Variants in PLEKHA7 observed in about 807,000 individuals in gnomAD.
PLEKHA7 encodes pleckstrin homology domain containing A7.
Under a neutral mutation model 170.0 loss-of-function variants are expected in PLEKHA7, and 104 were observed. That is an observed-to-expected ratio of 0.61 (90% CI 0.52 to 0.72). The LOEUF (loss-of-function observed/expected upper bound fraction) is 0.72. Among genes scored for constraint, PLEKHA7 ranks in the 30% least tolerant of loss-of-function variants. The pLI is 0.00. For missense variants in PLEKHA7, 1,615 were observed against 1,671.7 expected (o/e 0.97, Z 0.59); for synonymous variants, 648 against 660.8 (o/e 0.98, Z 0.30).
intron 3 of PLEKHA7, among the ~76,000 whole-genome samples, chr11:17,008,243 T>C (rs1465005029): frequency 6.6e-6 from 1 of 152,192 alleles, no homozygotes; most frequent in Non-Finnish European, 1.5e-5. Context: ...TGCAATCAGC[T>C]GGTTCCTGCC....
chr11:16,813,586 G>A (rs1849532442), intron 12 of PLEKHA7, among the ~76,000 whole-genome samples: 1 of 152,204 alleles, frequency 6.6e-6, no homozygotes, highest in Admixed American at 6.5e-5. Context: ...CACTTCACAT[G>A]CATGAAGATG....
intron 6 of PLEKHA7, among the ~76,000 whole-genome samples, chr11:16,853,343 T>C (rs1176789620): frequency 6.6e-6 from 1 of 152,222 alleles, no homozygotes; most frequent in East Asian, 1.9e-4. Flanking sequence ...TAAAAGCAAA[T>C]GTAACTTGAT....
At chr11:16,917,416 G>C (rs1488187105) in intron 3 of PLEKHA7, among the ~76,000 whole-genome samples, 1 of 151,954 alleles carries the variant, frequency 6.6e-6, no homozygotes, top group Non-Finnish European at 1.5e-5. Flanking sequence ...CTAAGGTTTC[G>C]GAGGTCAGAT....
intron 3 of PLEKHA7, among the ~76,000 whole-genome samples, chr11:16,917,621 C>A (rs1858786813): frequency 1.3e-5 from 2 of 152,220 alleles, no homozygotes; most frequent in African/African-American, 4.8e-5. Context: ...CTTATAAGGA[C>A]CCTTCTGATT....
intron 3 of PLEKHA7, among the ~76,000 whole-genome samples, chr11:16,926,338 C>T (rs1474958099): frequency 6.6e-6 from 1 of 152,214 alleles, no homozygotes; most frequent in African/African-American, 2.4e-5. Context: ...GGATCACTCT[C>T]CTGGTCCTGC....
At chr11:16,948,016 A>G (rs1037916510) in intron 3 of PLEKHA7, among the ~76,000 whole-genome samples, 2 of 152,232 alleles carry the variant, frequency 1.3e-5, no homozygotes, top group Admixed American at 6.5e-5. Flanking sequence ...AGAAAGTCCT[A>G]TCATTTGAAA....
intron 10 of PLEKHA7, among the ~76,000 whole-genome samples, chr11:16,821,494 T>C (rs1850210107): frequency 6.6e-6 from 1 of 152,230 alleles, no homozygotes; most frequent in Non-Finnish European, 1.5e-5. Context: ...CAATTAGAAA[T>C]ACTTCCCTGT....
chr11:16,950,339 A>G (rs1861324006), intron 3 of PLEKHA7, among the ~76,000 whole-genome samples: 2 of 152,162 alleles, frequency 1.3e-5, no homozygotes, highest in South Asian at 4.1e-4. Context: ...TGATGGAAAG[A>G]GATCCCAATC....
intron 3 of PLEKHA7, among the ~76,000 whole-genome samples, chr11:16,895,494 C>T (rs1319060858): frequency 6.6e-6 from 1 of 152,180 alleles, no homozygotes; most frequent in African/African-American, 2.4e-5. Flanking sequence ...AGACTCAGTT[C>T]CCTAGTGTCA....
Position 16,841,680 on chromosome 11 carries a change from T to C in PLEKHA7, c.739A>G (p.Thr247Ala), listed in dbSNP as rs957712890. 6.2e-7 allele frequency: 1 copy of C among 1,614,210 alleles called. No homozygotes were observed. ...GMRALIYNSS[T>A]AGSQAEQSGM... The stretch of plus-strand genomic sequence containing the variant: ...GACTGCTCGGCCTGAGAGCCCGCTG[T>C]GGAGCTGTTATAGATGAGCGCTCGC... The change falls in exon 9 of 27, where the codon ACA (threonine) becomes GCA (alanine). Residue 247 changes from threonine (T) to alanine (A), a missense_variant. Thr to Ala is a moderately conservative substitution (Grantham distance 58). Coordinates refer to ENST00000531066, the MANE Select transcript of PLEKHA7 (RefSeq NM_001329630.2).
rs1269856080 is a variant in PLEKHA7 at position 16,791,700 on chromosome 11, C to T, written c.2746-501G>A. On this transcript the variant is annotated intron_variant, in intron 19 of 26. Transcript: ENST00000531066. This position sits in a 1 kb window ranked among gnomAD's most constrained non-coding sequence, Gnocchi z 4.5. ...GGGACCTGAACAAGGACAGAGTCTA[C>T]ATCCTCCTGGCCTTTCTATCAGAAA... 2 of 458,082 alleles carry T rather than the reference C, an allele frequency of 4.4e-6. No individual in the cohort carries two copies. Among genetic ancestry groups the T allele is most frequent in the Non-Finnish European group, 8.8e-6 (2 of 227,942 alleles). 28.4% of individuals were successfully genotyped at this position (458,082 alleles called of 1,614,324 possible). A position where few individuals can be genotyped will look rare whatever the true frequency, so the allele number is the denominator to read the frequency against.
intron 13 of PLEKHA7, among the ~76,000 whole-genome samples, chr11:16,810,068 AAAG>A (rs760788085): frequency 1.3e-5 from 2 of 152,218 alleles, no homozygotes; most frequent in African/African-American, 2.4e-5. Flanking sequence ...GTTCCACAGG[AAAG>A]AAGAAGTCTG....
chr11:16,851,849 T>C (rs11024057), intron 7 of PLEKHA7, among the ~76,000 whole-genome samples: 11,040 of 152,314 alleles, frequency 0.072, 595 homozygotes, highest in Non-Finnish European at 0.11. Context: ...CTGAACTGCT[T>C]TGAAAGCACC....
At chr11:16,923,136 C>T (rs764103999) in intron 3 of PLEKHA7, among the ~76,000 whole-genome samples, 40 of 152,318 alleles carry the variant, frequency 2.6e-4, no homozygotes, top group African/African-American at 3.6e-4. Context: ...CTACTCTTTC[C>T]GGGAATCACT....
chr11:16,910,932 C>A (rs1858203512), intron 3 of PLEKHA7, among the ~76,000 whole-genome samples: 1 of 152,214 alleles, frequency 6.6e-6, no homozygotes, highest in Admixed American at 6.5e-5. Context: ...TGATCCTGGG[C>A]AAGTCACTTA....
chr11:16,789,168 C>A lies in PLEKHA7; in HGVS notation c.3285G>T (p.Leu1095=). ...KALVRERKRT[L]GQGERTGLPS... ...GCAGGCCCGTCCTCTCCCCTTGGCCCAGTGTCCTCTTGCGCTCTCGGACCA... is the reference window on the plus strand; with the variant it reads ...GCAGGCCCGTCCTCTCCCCTTGGCCAAGTGTCCTCTTGCGCTCTCGGACCA... Residue 1095 remains leucine (L), a synonymous_variant, in exon 23 of 27, where the codon CTG becomes CTT. Transcript: ENST00000531066. The surrounding 1 kb of genome is among the most constrained non-coding windows in gnomAD (Gnocchi z 4.6). The A allele has an allele frequency of 6.2e-7, 1 of 1,612,496 alleles. No individual in the cohort carries two copies. The highest frequency in any genetic ancestry group is 8.5e-7 in the Non-Finnish European group (1 of 1,180,044).
At chr11:16,815,098 G>A (rs936280747) in intron 12 of PLEKHA7, 2 of 152,996 alleles carry the variant, frequency 1.3e-5, no homozygotes, top group African/African-American at 4.8e-5. Flanking sequence ...AGACAGACCA[G>A]AGCATGGGCA....
rs1847848354 is a variant in PLEKHA7 at position 16,791,440 on chromosome 11, A to G, written c.2746-241T>C. 1.6e-6 allele frequency: 1 copy of G among 627,566 alleles called. No homozygotes were observed. Among genetic ancestry groups the G allele is most frequent in the East Asian group, 2.9e-5 (1 of 34,766 alleles). The allele number at this position is 627,566 out of a possible 1,614,324, so 38.9% of individuals were successfully genotyped here. ...CTATTCCTCCAAGTGTTACCTGTAT[A>G]ACTGTGTCCTGAAACCCAGGACTCA... On this transcript the variant is annotated intron_variant, in intron 19 of 26. Coordinates refer to ENST00000531066, the MANE Select transcript of PLEKHA7 (RefSeq NM_001329630.2). This position sits in a 1 kb window ranked among gnomAD's most constrained non-coding sequence, Gnocchi z 4.5.
chr11:16,882,518 G>A (rs1266330840), intron 3 of PLEKHA7, among the ~76,000 whole-genome samples: 2 of 152,216 alleles, frequency 1.3e-5, no homozygotes, highest in Non-Finnish European at 2.9e-5. Context: ...ATAGCAGAAT[G>A]AATGAATGAC....
Sources: gnomAD v4.1 joint callset for allele counts (sites outside exome capture counted in the v4.1 genomes callset) on GRCh38, gnomAD v4.1.1 for gene constraint, Gnocchi (gnomAD v3.1) non-coding constraint, MANE v1.5 for transcripts, NCBI Gene and HGNC (gene_info 2026-07-23, HGNC 2026-07-21) for gene names.